Variants in ARHGEF40 observed in about 807,000 individuals in gnomAD.
The protein encoded by ARHGEF40 is Rho guanine nucleotide exchange factor (GEF) 40.
Under a neutral mutation model 165.9 loss-of-function variants are expected in ARHGEF40, and 98 were observed. That is an observed-to-expected ratio of 0.59 (90% confidence interval 0.50 to 0.70). ARHGEF40 has a LOEUF of 0.70. Among genes scored for constraint, ARHGEF40 ranks in the 30% least tolerant of loss-of-function variants. The pLI, the probability that ARHGEF40 is intolerant of heterozygous loss-of-function variation, is 0.00. For missense variants in ARHGEF40, 1,815 were observed against 1,968.0 expected, an observed-to-expected ratio of 0.92 and a Z score of 1.47; for synonymous variants, 792 against 814.3, an observed-to-expected ratio of 0.97 and a Z score of 0.47.
chr14:21,079,086 A>T, intron 11 of ARHGEF40, 76 bp downstream of exon 11: 1 of 1,530,602 alleles, frequency 6.5e-7, no homozygotes, highest in Non-Finnish European at 8.8e-7. Flanking sequence ...TGGTACTTAT[A>T]GTTGATGGTG....
rs928160277 is a variant in ARHGEF40, at chr14:21,072,544, T to A, written c.4-501T>A. On this transcript the variant is annotated intron_variant, in intron 1 of 23. Transcript: ENST00000298694. This position sits in a 1 kb window ranked among gnomAD's most constrained non-coding sequence, Gnocchi z 4.1. Reference sequence around the variant, plus strand: ...AAATGAGCATCTCTCTTTCACCAAATGATCATCTCTGGGACATAATTGTGG... The same window carrying A: ...AAATGAGCATCTCTCTTTCACCAAAAGATCATCTCTGGGACATAATTGTGG... Among the ~76,000 whole-genome samples the A allele has an allele frequency of 6.6e-6, 1 of 152,050 alleles. No homozygotes were observed. The highest frequency in any genetic ancestry group is 2.4e-5 in the African/African-American group (1 of 41,398).
At chr14:21,078,817 G>A (rs1265615633) in intron 10 of ARHGEF40, 67 bp from the exon 11 acceptor site, 1 of 1,576,950 alleles carries the variant, frequency 6.3e-7, no homozygotes, top group Non-Finnish European at 8.7e-7. Context: ...TCCCTCAGAG[G>A]CACGGAAGGA....
At position 21,070,432 on chromosome 14, in the gene ARHGEF40, T is replaced by C; in HGVS notation, c.3+33T>C. Reference sequence around the variant, plus strand: ...CAGCGTCGCAGCCCCCTGGGTCCCCTCGGCCTTCGCGCAGCCCGCTCCGGG... The same window carrying C: ...CAGCGTCGCAGCCCCCTGGGTCCCCCCGGCCTTCGCGCAGCCCGCTCCGGG... On this transcript the variant is annotated intron_variant, in intron 1 of 23. Transcript: ENST00000298694. This position sits in a 1 kb window ranked among gnomAD's most constrained non-coding sequence, Gnocchi z 4.7. The C allele has an allele frequency of 1.4e-6, 2 of 1,393,650 alleles. No individual in the cohort carries two copies. Among genetic ancestry groups the C allele is most frequent in the South Asian group, 1.6e-5 (1 of 61,424 alleles). 86.3% of individuals were successfully genotyped at this position (1,393,650 alleles called of 1,614,324 possible). A position where few individuals can be genotyped will look rare whatever the true frequency, so the allele number is the denominator to read the frequency against.
At position 21,088,715 on chromosome 14, in the gene ARHGEF40, G is replaced by T. The variant is rs1888582180; in HGVS notation, c.4519-115G>T. The T allele has an allele frequency of 6.2e-6, 7 of 1,135,664 alleles. No homozygotes were observed. In the East Asian group the frequency reaches 1.9e-4, roughly 30 times the overall value. 70.3% of individuals were successfully genotyped at this position (1,135,664 alleles called of 1,614,324 possible). A position where few individuals can be genotyped will look rare whatever the true frequency, so the allele number is the denominator to read the frequency against. On this transcript the variant is annotated intron_variant, in intron 22 of 23. Transcript: ENST00000298694. Reference sequence around the variant, plus strand: ...AATAAAAGTAAATAGCAAAATTCAAGGATTTTGGGTAGGAAAGAGAGGTGA... The same window carrying T: ...AATAAAAGTAAATAGCAAAATTCAATGATTTTGGGTAGGAAAGAGAGGTGA...
Position 21,078,606 on chromosome 14 carries a change from CT to C in ARHGEF40, c.2246+119del, listed in dbSNP as rs1887624832. 4.6e-6 allele frequency: 5 copies of C among 1,080,902 alleles called. No homozygotes were observed. In the South Asian group the frequency reaches 6.5e-5, roughly 14 times the overall value. The allele number at this position is 1,080,902 out of a possible 1,614,324, so 67.0% of individuals were successfully genotyped here. A position where few individuals can be genotyped will look rare whatever the true frequency, so the allele number is the denominator to read the frequency against. On this transcript the variant is annotated intron_variant, in intron 10 of 23. Transcript: ENST00000298694. ...ACTGTGCATGTATCTGGGCAAGATA[CT>C]ATGCTTTTACACTTACTGTCTCATA... is the stretch of plus-strand genomic sequence containing the variant.
At chr14:21,077,796 T>C (rs1887546457) in intron 8 of ARHGEF40, among the ~76,000 whole-genome samples, 1 of 152,218 alleles carries the variant, frequency 6.6e-6, no homozygotes, top group African/African-American at 2.4e-5. Context: ...GTCTCTAAGC[T>C]TCGCCTTTAG....
chr14:21,080,880 T>C lies in ARHGEF40; in HGVS notation c.2504T>C (p.Leu835Pro). 1.2e-6 allele frequency: 2 copies of C among 1,613,702 alleles called. No individual in the cohort carries two copies. The highest frequency in any genetic ancestry group is 1.1e-5 in the South Asian group (1 of 91,062). ...GCAGCCTCCCTTCTCCAGGAGCGCC[T>C]GGCCCAGGCACGGGAGGCCCTGGCT... The part of the protein sequence containing the change: ...RAFSAEVQER[L>P]AQAREALALE... The change falls in exon 13 of 24, where the codon CTG becomes CCG. Residue 835 changes from leucine to proline, a missense_variant. By Grantham distance (98) the Leu-to-Pro change is moderately conservative. Coordinates refer to ENST00000298694, the MANE Select transcript of ARHGEF40 (RefSeq NM_018071.5).
Position 21,083,927 on chromosome 14 carries a change from G to C in ARHGEF40, c.3666G>C (p.Leu1222=), listed in dbSNP as rs1170756145. ...ATGGGCGGCTCCTGGAGGAGCTCCT[G>C]AGGGAAGCTGGGCCTGAGCTCAGTT... ...TRYGRLLEEL[L]REAGPELSSE... The change falls in exon 17 of 24, where the codon CTG becomes CTC. Residue 1222 remains leucine (L), a synonymous_variant. Coordinates refer to ENST00000298694, the MANE Select transcript of ARHGEF40 (RefSeq NM_018071.5). 1 of 1,614,112 alleles carries C rather than the reference G, an allele frequency of 6.2e-7. No individual in the cohort carries two copies. The highest frequency in any genetic ancestry group is 2.2e-5 in the East Asian group (1 of 44,886).
chr14:21,074,523 C>T lies in ARHGEF40; in HGVS notation c.793C>T (p.Leu265Phe), dbSNP rs1566523278. The change falls in exon 3 of 24, where the codon CTC becomes TTC. Residue 265 changes from leucine (L) to phenylalanine (F), a missense_variant. By Grantham distance (22) the Leu-to-Phe change is conservative. Coordinates refer to ENST00000298694, the MANE Select transcript of ARHGEF40 (RefSeq NM_018071.5). The surrounding 1 kb of genome is among the most constrained non-coding windows in gnomAD (Gnocchi z 4.8). ...SPTDAEGSPGLSRVRTVPTRK... is the reference protein window; with the variant it reads ...SPTDAEGSPGFSRVRTVPTRK... Reference sequence around the variant, plus strand: ...AACAGATGCTGAAGGCTCCCCAGGCCTCTCCAGAGTCCGGACGGTACCCAC... The same window carrying T: ...AACAGATGCTGAAGGCTCCCCAGGCTTCTCCAGAGTCCGGACGGTACCCAC... The T allele has an allele frequency of 3.2e-6, 5 of 1,552,888 alleles. No individual in the cohort carries two copies. Among genetic ancestry groups the T allele is most frequent in the Non-Finnish European group, 2.6e-6 (3 of 1,149,280 alleles).
chr14:21,088,822 C>A lies in ARHGEF40; in HGVS notation c.4519-8C>A. ...TCCCTAAATTCACTGTAGCTTCTCT[C>A]CCCCCAGAGTCATGCTCGAGCCCTG... is the stretch of plus-strand genomic sequence containing the variant. On this transcript the variant is annotated splice_region_variant and splice_polypyrimidine_tract_variant and intron_variant, in intron 22 of 23. Transcript: ENST00000298694. 1.9e-6 allele frequency: 3 copies of A among 1,607,522 alleles called. No homozygotes were observed. The highest frequency in any genetic ancestry group is 2.6e-6 in the Non-Finnish European group (3 of 1,175,962).
upstream of ARHGEF40, among the ~76,000 whole-genome samples, chr14:21,066,299 CT>C (rs35527465): frequency 0.87 from 128,658 of 148,254 alleles, 56,132 homozygotes; most frequent in Admixed American, 0.92. Context: ...TTATTTGGAT[CT>C]TTTTTTTTTG....
intron 10 of ARHGEF40, 44 bp downstream of exon 10, chr14:21,078,532 GAGACACAGCTGA>G: frequency 6.6e-7 from 1 of 1,520,998 alleles, no homozygotes; most frequent in Non-Finnish European, 8.9e-7. Context: ...GTGGGAGGTG[GAGACACAGCTGA>G]AGGCTGCCAA....
At position 21,076,609 on chromosome 14, in the gene ARHGEF40, A is replaced by G. The variant is rs1270339939; in HGVS notation, c.1883A>G (p.His628Arg). The part of the protein sequence containing the change: ...PLVQRLLILI[H>R]DDLPTELCGF... ...GTTCAGCGGCTGCTGATTCTCATTCATGATGACCTTCCAACTGAACTCTGT... is the reference window on the plus strand; with the variant it reads ...GTTCAGCGGCTGCTGATTCTCATTCGTGATGACCTTCCAACTGAACTCTGT... The change falls in exon 7 of 24, where the codon CAT (histidine) becomes CGT (arginine). Residue 628 changes from histidine to arginine, a missense_variant. Coordinates refer to ENST00000298694, the MANE Select transcript of ARHGEF40 (RefSeq NM_018071.5). 3 of 1,614,202 alleles carry G rather than the reference A, an allele frequency of 1.9e-6. No individual in the cohort carries two copies. The highest frequency in any genetic ancestry group is 1.1e-5 in the South Asian group (1 of 91,086).
chr14:21,070,196 AGGGCGGGGCGGGGAG>A, upstream of ARHGEF40: 1 of 272,488 alleles, frequency 3.7e-6, no homozygotes, highest in Non-Finnish European at 5.8e-6. This position sits in a 1 kb window ranked among gnomAD's most constrained non-coding sequence, Gnocchi z 4.7. Flanking sequence ...CGGGCGCTGA[AGGGCGGGGCGGGGAG>A]GGGCGGCCGT....
At position 21,076,580 on chromosome 14, in the gene ARHGEF40, C is replaced by T. The variant is rs151124726; in HGVS notation, c.1854C>T (p.Pro618=). ...GCCCTTAGGACTCAGGAGATCCTCC[C>T]CTTGTTCAGCGGCTGCTGATTCTCA... ...LSQLQDSGDP[P]LVQRLLILIH... The change falls in exon 7 of 24, where the codon CCC becomes CCT. Residue 618 remains proline, a synonymous_variant. Coordinates refer to ENST00000298694, the MANE Select transcript of ARHGEF40 (RefSeq NM_018071.5). The T allele has an allele frequency of 1.2e-6, 2 of 1,614,226 alleles. No homozygotes were observed. The highest frequency in any genetic ancestry group is 8.5e-7 in the Non-Finnish European group (1 of 1,180,052).
chr14:21,082,903 A>C lies in ARHGEF40; in HGVS notation c.3559A>C (p.Ser1187Arg). The change falls in exon 16 of 24, where the codon AGT becomes CGT. Residue 1187 changes from serine (S) to arginine (R), a missense_variant. By Grantham distance (110) the Ser-to-Arg change is moderately radical. Coordinates refer to ENST00000298694, the MANE Select transcript of ARHGEF40 (RefSeq NM_018071.5). ...HKLENGLAAL[S>R]PLSKGSMEAG... is the part of the protein sequence containing the mutation. ...ACTGGAGAATGGTCTGGCTGCGCTC[A>C]GTCCCTTAAGCAAGGTAACTTTTTC... 6.2e-7 allele frequency: 1 copy of C among 1,614,164 alleles called. No homozygotes were observed. The highest frequency in any genetic ancestry group is 1.1e-5 in the South Asian group (1 of 91,082).
At position 21,076,393 on chromosome 14, in the gene ARHGEF40, G is replaced by A. The variant is rs745982666; in HGVS notation, c.1773G>A (p.Leu591=). ...PDLQTLGLSV[L]LDLRQAPPLP... is the part of the protein sequence containing the mutation. Reference sequence around the variant, plus strand: ...TACAGACACTGGGGCTGTCCGTCCTGCTGGACCTTCGTCAGGCACCTCCAC... The same window carrying A: ...TACAGACACTGGGGCTGTCCGTCCTACTGGACCTTCGTCAGGCACCTCCAC... Residue 591 remains leucine, a synonymous_variant, in exon 6 of 24, where the codon CTG becomes CTA. Transcript: ENST00000298694. 6.2e-7 allele frequency: 1 copy of A among 1,613,536 alleles called. No individual in the cohort carries two copies. Among genetic ancestry groups the A allele is most frequent in the Non-Finnish European group, 8.5e-7 (1 of 1,180,042 alleles).
At chr14:21,069,305 C>T (rs1335389301), upstream of ARHGEF40, among the ~76,000 whole-genome samples, 2 of 152,174 alleles carry the variant, frequency 1.3e-5, no homozygotes, top group Non-Finnish European at 2.9e-5. Flanking sequence ...ACTAGCCCAC[C>T]CTGCTTTGTC....
At chr14:21,076,923 G>A (rs950492097) in intron 8 of ARHGEF40, 33 bp downstream of exon 8, 34 of 1,568,208 alleles carry the variant, frequency 2.2e-5, no homozygotes, top group Non-Finnish European at 3.0e-5. Flanking sequence ...AGCATGCTGG[G>A]AGCCAGGAAT....
Sources: gnomAD v4.1 joint callset for allele counts (sites outside exome capture counted in the v4.1 genomes callset) on GRCh38, gnomAD v4.1.1 for gene constraint, Gnocchi (gnomAD v3.1) non-coding constraint, MANE v1.5 for transcripts, NCBI Gene and HGNC (gene_info 2026-07-23, HGNC 2026-07-21) for gene names.